Variants in FBXO31 observed in about 807,000 individuals in gnomAD.
The protein encoded by FBXO31 is F-box only protein 31.
A neutral mutation model predicts 54.4 loss-of-function variants in FBXO31; 24 were observed. The observed-to-expected ratio is 0.44, with a 90% CI of 0.32 to 0.62. The LOEUF is 0.62. FBXO31 is among the 20% of genes least tolerant of loss of function. The pLI is 0.05. For missense variants in FBXO31, 665 were observed against 787.1 expected (o/e 0.84, Z 1.86); for synonymous variants, 388 against 335.6 (o/e 1.16, Z -1.71).
In FBXO31 at chr16:87,337,093, G is replaced by A. The variant is rs368721476; in HGVS notation, c.733-829C>T. On this transcript the variant is annotated intron_variant, in intron 5 of 8. Transcript: ENST00000311635. ...GAAATCACTGCAGGAGCTGCACTGA[G>A]CACCTGGCAGGACCACATGGTCAAC... is the stretch of plus-strand genomic sequence containing the variant. Among the ~76,000 whole-genome samples, 6 of 152,302 alleles carry A rather than the reference G, an allele frequency of 3.9e-5. No homozygotes were observed. The East Asian group carries it at 1.2e-3, about 29-fold the overall frequency.
chr16:87,378,630 C>A (rs891980253), intron 1 of FBXO31, among the ~76,000 whole-genome samples: 10 of 152,328 alleles, frequency 6.6e-5, no homozygotes, highest in African/African-American at 2.2e-4. Context: ...CCAGGCAACA[C>A]CACTCCTGGA....
chr16:87,356,160 C>A (rs1905881450), intron 2 of FBXO31, among the ~76,000 whole-genome samples: 1 of 149,304 alleles, frequency 6.7e-6, no homozygotes, highest in African/African-American at 2.5e-5. Flanking sequence ...ACCCGGGAGG[C>A]AGAGGCTGTA....
In FBXO31 at chr16:87,334,028, T is replaced by A; in HGVS notation, c.1255A>T (p.Thr419Ser). Residue 419 changes from threonine to serine, a missense_variant, in exon 8 of 9, where the codon ACA becomes TCA. By Grantham distance (58) the Thr-to-Ser change is moderately conservative. Coordinates refer to ENST00000311635, the MANE Select transcript of FBXO31 (RefSeq NM_024735.5). ...AEAPSKGPDG[T>S]PGEDGGEPGD... ...GGCTCGCCACCATCCTCACCAGGTG[T>A]CCCATCTGGGCCCTTGCTGGGCGCC... is the stretch of plus-strand genomic sequence containing the variant. 1 of 1,612,722 alleles carries A rather than the reference T, an allele frequency of 6.2e-7. No individual in the cohort carries two copies. Among genetic ancestry groups the A allele is most frequent in the Non-Finnish European group, 8.5e-7 (1 of 1,179,738 alleles).
At position 87,383,554 on chromosome 16, in the gene FBXO31, C is replaced by A; in HGVS notation, c.191G>T (p.Arg64Leu). 1 of 1,546,162 alleles carries A rather than the reference C, an allele frequency of 6.5e-7. No individual in the cohort carries two copies. Among genetic ancestry groups the A allele is most frequent in the African/African-American group, 1.4e-5 (1 of 70,546 alleles). The stretch of plus-strand genomic sequence containing the variant: ...GGGCGGCAGCTCCAGCAGCGAGCAG[C>A]GCGGGGGCGGCGGCGAGGGGCCCGC... ...LCAGPSPPPP[R>L]CSLLELPPEL... The change falls in exon 1 of 9, where the codon CGC becomes CTC. Residue 64 changes from arginine to leucine, a missense_variant. Arg to Leu is a moderately radical substitution (Grantham distance 102). Around this residue, in one of 4 missense-constraint regions of FBXO31, gnomAD observed 195 missense variants for 174.8 expected, o/e 1.12. Coordinates refer to ENST00000311635, the MANE Select transcript of FBXO31 (RefSeq NM_024735.5). The surrounding 1 kb of genome is among the most constrained non-coding windows in gnomAD (Gnocchi z 4.9).
Position 87,336,348 on chromosome 16 carries a change from T to G in FBXO31, c.733-84A>C. ...CGGCTGTGCCGCTGAGAGGACACAGTGTGTCCTTCTTTGTCAGTGCACAGG... is the reference window on the plus strand; with the variant it reads ...CGGCTGTGCCGCTGAGAGGACACAGGGTGTCCTTCTTTGTCAGTGCACAGG... On this transcript the variant is annotated intron_variant, in intron 5 of 8. Transcript: ENST00000311635. This position sits in a 1 kb window ranked among gnomAD's most constrained non-coding sequence, Gnocchi z 6.5. 1 of 1,245,296 alleles carries G rather than the reference T, an allele frequency of 8.0e-7. No homozygotes were observed. The highest frequency in any genetic ancestry group is 1.2e-6 in the Non-Finnish European group (1 of 858,050). 77.1% of individuals were successfully genotyped at this position (1,245,296 alleles called of 1,614,324 possible).
intron 7 of FBXO31, among the ~76,000 whole-genome samples, chr16:87,334,746 C>G (rs150677577): frequency 3.0e-4 from 46 of 152,358 alleles, no homozygotes; most frequent in Admixed American, 2.4e-3. Context: ...CCCCTTCAGG[C>G]GCTGTCTGCC....
intron 2 of FBXO31, among the ~76,000 whole-genome samples, chr16:87,347,547 G>A (rs1048629047): frequency 1.3e-5 from 2 of 152,082 alleles, no homozygotes; most frequent in Admixed American, 6.5e-5. Context: ...GGGTGTGGTG[G>A]CGGGTGCCTG....
At chr16:87,365,658 T>G (rs912757806) in intron 1 of FBXO31, among the ~76,000 whole-genome samples, 2 of 152,232 alleles carry the variant, frequency 1.3e-5, no homozygotes, top group South Asian at 4.1e-4. Context: ...GTAACATGCA[T>G]TTCCAAACAA....
chr16:87,333,147 C>T (rs576136839), intron 8 of FBXO31, among the ~76,000 whole-genome samples: 6 of 152,326 alleles, frequency 3.9e-5, no homozygotes, highest in African/African-American at 1.4e-4. Flanking sequence ...CGGCAAGGGG[C>T]CCGTGGCACT....
upstream of FBXO31, chr16:87,383,828 C>A: frequency 1.0e-6 from 1 of 990,930 alleles, no homozygotes; most frequent in Non-Finnish European, 1.3e-6. This position sits in a 1 kb window ranked among gnomAD's most constrained non-coding sequence, Gnocchi z 4.9. Context: ...ACGCCCCCGC[C>A]GCAGAGCTCG....
At chr16:87,370,845 C>A (rs1394900384) in intron 1 of FBXO31, among the ~76,000 whole-genome samples, 2 of 152,156 alleles carry the variant, frequency 1.3e-5, no homozygotes, top group African/African-American at 4.8e-5. Flanking sequence ...TTTGTACTTG[C>A]GCTAAATTAG....
chr16:87,339,027 G>T (rs913945659), intron 5 of FBXO31, among the ~76,000 whole-genome samples: 1 of 152,276 alleles, frequency 6.6e-6, no homozygotes, highest in East Asian at 1.9e-4. Context: ...TGTAAGATGC[G>T]CCTTTCGCCT....
At chr16:87,370,655 A>T (rs1906562657) in intron 1 of FBXO31, among the ~76,000 whole-genome samples, 1 of 152,168 alleles carries the variant, frequency 6.6e-6, no homozygotes, top group Non-Finnish European at 1.5e-5. Flanking sequence ...CCTGTGAGAC[A>T]GGCAGAGGCA....
At chr16:87,350,763 T>A (rs1194511601) in intron 2 of FBXO31, among the ~76,000 whole-genome samples, 1 of 151,918 alleles carries the variant, frequency 6.6e-6, no homozygotes, top group African/African-American at 2.4e-5. Context: ...TCTCCTCCTA[T>A]CCCCTCCCCT....
At chr16:87,378,166 A>C (rs554016978) in intron 1 of FBXO31, among the ~76,000 whole-genome samples, 11 of 152,198 alleles carry the variant, frequency 7.2e-5, no homozygotes, top group Non-Finnish European at 1.2e-4. Context: ...TCTCAAAAAA[A>C]AAAACAAAAC....
Position 87,336,888 on chromosome 16 carries a change from G to C in FBXO31, c.733-624C>G, listed in dbSNP as rs1030610987. On this transcript the variant is annotated intron_variant, in intron 5 of 8. Transcript: ENST00000311635. This position sits in a 1 kb window ranked among gnomAD's most constrained non-coding sequence, Gnocchi z 6.5. The stretch of plus-strand genomic sequence containing the variant: ...TGCTGAGGATATTTCGTGCTTAATG[G>C]TTTGATTCTACACAATTTACAGAAT... 6.6e-6 allele frequency among the ~76,000 whole-genome samples: 1 copy of C among 152,170 alleles called. No homozygotes were observed. Among genetic ancestry groups the C allele is most frequent in the Non-Finnish European group, 1.5e-5 (1 of 68,050 alleles).
intron 2 of FBXO31, 53 bp downstream of exon 2, chr16:87,360,242 G>T (rs998969139): frequency 1.1e-4 from 168 of 1,511,036 alleles, no homozygotes; most frequent in Non-Finnish European, 1.5e-4. Flanking sequence ...GATGTGCACT[G>T]TCTGCTTCTG....
At position 87,345,631 on chromosome 16, in the gene FBXO31, C is replaced by T. The variant is rs993258252; in HGVS notation, c.489+1543G>A. 6.6e-6 allele frequency among the ~76,000 whole-genome samples: 1 copy of T among 152,004 alleles called. No individual in the cohort carries two copies. The highest frequency in any genetic ancestry group is 2.4e-5 in the African/African-American group (1 of 41,350). On this transcript the variant is annotated intron_variant, in intron 3 of 8. Coordinates refer to ENST00000311635, the MANE Select transcript of FBXO31 (RefSeq NM_024735.5). The surrounding 1 kb of genome is among the most constrained non-coding windows in gnomAD (Gnocchi z 4.9). ...CCTGCCCTCCTGCTGAGACCAGCCA[C>T]GAAGACTGAACACTCTCTCCTAATT...
chr16:87,364,052 G>A (rs915978383), intron 1 of FBXO31, among the ~76,000 whole-genome samples: 2 of 152,212 alleles, frequency 1.3e-5, no homozygotes, highest in African/African-American at 4.8e-5. Context: ...CCGCAGGCTG[G>A]CAGCCGCCCC....
Sources: allele counts gnomAD v4.1 joint callset (sites outside exome capture counted in the v4.1 genomes callset), GRCh38; gene constraint gnomAD v4.1.1; regional missense constraint gnomAD v4.1.1; non-coding constraint Gnocchi (gnomAD v3.1); transcripts MANE v1.5; gene names NCBI Gene and HGNC (gene_info 2026-07-23, HGNC 2026-07-21).